Variants in DENND2A observed in about 807,000 individuals in gnomAD.
DENND2A encodes DENN domain containing 2A.
A neutral mutation model predicts 105.3 loss-of-function variants in DENND2A; 53 were observed. The ratio of observed to expected loss-of-function variants is 0.50; its 90% CI spans 0.40 to 0.63. DENND2A has a LOEUF of 0.63. Ranked by LOEUF, DENND2A falls within the 30% of genes least tolerant of loss-of-function variation. DENND2A has a pLI of 0.00. For missense variants in DENND2A, 1,138 were observed against 1,279.6 expected, an observed-to-expected ratio of 0.89 and a Z score of 1.69; for synonymous variants, 522 against 508.4, an observed-to-expected ratio of 1.03 and a Z score of -0.36.
chr7:140,548,044 G>C (rs776202907), intron 12 of DENND2A, among the ~76,000 whole-genome samples: 1 of 152,120 alleles, frequency 6.6e-6, no homozygotes, highest in Non-Finnish European at 1.5e-5. Context: ...GGTGATGGTT[G>C]TATAACTCTG....
At chr7:140,558,422 A>G (rs1258928172) in intron 10 of DENND2A, among the ~76,000 whole-genome samples, 3 of 152,172 alleles carry the variant, frequency 2.0e-5, no homozygotes, top group Non-Finnish European at 4.4e-5. Context: ...TGGGCTGGGC[A>G]CAGTGGCTCA....
intron 3 of DENND2A, among the ~76,000 whole-genome samples, chr7:140,589,832 C>T (rs759362140): frequency 3.9e-5 from 6 of 152,016 alleles, no homozygotes; most frequent in Non-Finnish European, 8.8e-5. Flanking sequence ...TCTTGCTTTG[C>T]TGCCCAGGCT....
At chr7:140,636,497 T>C (rs1275842155) in intron 1 of DENND2A, among the ~76,000 whole-genome samples, 1 of 152,166 alleles carries the variant, frequency 6.6e-6, no homozygotes, top group Non-Finnish European at 1.5e-5. Context: ...GCATCCCATG[T>C]GTCCCACCTG....
At chr7:140,605,457 T>C (rs917350144) in intron 2 of DENND2A, among the ~76,000 whole-genome samples, 2 of 152,174 alleles carry the variant, frequency 1.3e-5, no homozygotes, top group Non-Finnish European at 2.9e-5. Context: ...GAATGCGTCA[T>C]GGGGATAGGG....
intron 12 of DENND2A, among the ~76,000 whole-genome samples, chr7:140,553,431 C>T (rs1563135779): frequency 6.6e-6 from 1 of 152,140 alleles, no homozygotes; most frequent in South Asian, 2.1e-4. Flanking sequence ...CATTCCATTG[C>T]GCAGGCACGG....
intron 6 of DENND2A, among the ~76,000 whole-genome samples, chr7:140,573,284 A>AC (rs1798169346): frequency 6.6e-6 from 1 of 152,208 alleles, no homozygotes; most frequent in African/African-American, 2.4e-5. Context: ...ATGAAGAGAG[A>AC]CCAGAACTGC....
chr7:140,585,598 TGTGTCAGGGATGGAAGAG>T lies in DENND2A; in HGVS notation c.1218_1235del (p.Ser407_Thr412del), dbSNP rs1315917604. The T allele has an allele frequency of 6.2e-7, 1 of 1,613,988 alleles. No individual in the cohort carries two copies. The highest frequency in any genetic ancestry group is 1.3e-5 in the African/African-American group (1 of 74,984). On this transcript the variant is annotated inframe_deletion, in exon 5 of 20. Transcript: ENST00000496613. ...CCCAGGGGACTCATACCTTGGTGAGTGTGTCAGGGATGGAAGAGGTGGGAGAAGCAGGAAAATTCAAGA... is the reference window on the plus strand; with the variant it reads ...CCCAGGGGACTCATACCTTGGTGAGTGTGGGAGAAGCAGGAAAATTCAAGA...
chr7:140,545,137 G>T (rs1051767236), intron 13 of DENND2A, among the ~76,000 whole-genome samples: 1 of 152,128 alleles, frequency 6.6e-6, no homozygotes, highest in South Asian at 2.1e-4. Context: ...TTTTGAAAAC[G>T]GTTCTGTCCC....
chr7:140,593,258 C>T (rs960952560), intron 3 of DENND2A, among the ~76,000 whole-genome samples: 3 of 152,126 alleles, frequency 2.0e-5, no homozygotes, highest in South Asian at 2.1e-4. Context: ...GATACAAAGG[C>T]GAGAGGTCCC....
At position 140,522,035 on chromosome 7, in the gene DENND2A, C is replaced by A; in HGVS notation, c.2731G>T (p.Val911Leu). 6.2e-7 allele frequency: 1 copy of A among 1,614,212 alleles called. No homozygotes were observed. Among genetic ancestry groups the A allele is most frequent in the Non-Finnish European group, 8.5e-7 (1 of 1,180,034 alleles). The change falls in exon 18 of 20, where the codon GTG (valine) becomes TTG (leucine). Residue 911 changes from valine (V) to leucine (L), a missense_variant. Around this residue, in one of 2 missense-constraint regions of DENND2A, gnomAD observed 627 missense variants for 779.8 expected, o/e 0.80. Coordinates refer to ENST00000496613, the MANE Select transcript of DENND2A (RefSeq NM_015689.5). ...GTCAGGAACAAAGAGTAGTGTCCCACAATCTCCACGAAGAAGCGGACAAAG... is the reference window on the plus strand; with the variant it reads ...GTCAGGAACAAAGAGTAGTGTCCCAAAATCTCCACGAAGAAGCGGACAAAG... ...EAFVRFFVEI[V>L]GHYSLFLTSG...
intron 2 of DENND2A, among the ~76,000 whole-genome samples, chr7:140,604,061 G>T (rs1799609848): frequency 6.6e-6 from 1 of 152,228 alleles, no homozygotes; most frequent in East Asian, 1.9e-4. Context: ...CACCAGCAAA[G>T]GTTATGACTG....
Position 140,585,604 on chromosome 7 carries a change from A to C in DENND2A, c.1230T>G (p.Pro410=). The change falls in exon 5 of 20, where the codon CCT becomes CCG. Residue 410 remains proline (P), a synonymous_variant. Coordinates refer to ENST00000496613, the MANE Select transcript of DENND2A (RefSeq NM_015689.5). ...NFPASPTSSI[P]DTLTKQSLSK... ...GGACTCATACCTTGGTGAGTGTGTCAGGGATGGAAGAGGTGGGAGAAGCAG... is the reference window on the plus strand; with the variant it reads ...GGACTCATACCTTGGTGAGTGTGTCCGGGATGGAAGAGGTGGGAGAAGCAG... 1 of 1,614,138 alleles carries C rather than the reference A, an allele frequency of 6.2e-7. No homozygotes were observed. Among genetic ancestry groups the C allele is most frequent in the South Asian group, 1.1e-5 (1 of 91,078 alleles).
chr7:140,553,484 A>G (rs539402033), intron 12 of DENND2A, among the ~76,000 whole-genome samples: 2 of 152,144 alleles, frequency 1.3e-5, no homozygotes, highest in East Asian at 3.9e-4. Flanking sequence ...GCAAAGAGGC[A>G]TTCCTTCCTC....
At chr7:140,618,704 T>C (rs1469752073) in intron 1 of DENND2A, among the ~76,000 whole-genome samples, 3 of 152,202 alleles carry the variant, frequency 2.0e-5, no homozygotes, top group African/African-American at 7.2e-5. Flanking sequence ...TTCTACACCA[T>C]ACCACACTTC....
At chr7:140,571,529 T>C (rs1798097003) in intron 6 of DENND2A, among the ~76,000 whole-genome samples, 1 of 152,108 alleles carries the variant, frequency 6.6e-6, no homozygotes, top group Non-Finnish European at 1.5e-5. Flanking sequence ...GCTGGTTGGG[T>C]GTCTCTGGGC....
chr7:140,569,816 C>T (rs1798016829), intron 6 of DENND2A, 78 bp from the exon 7 acceptor site: 2 of 1,005,158 alleles, frequency 2.0e-6, no homozygotes, highest in Non-Finnish European at 3.2e-6. Flanking sequence ...CACTGCCCCT[C>T]TCCTAGGACG....
rs1446595386 is a variant in DENND2A at position 140,545,493 on chromosome 7, G to C, written c.2179-727C>G. Among the ~76,000 whole-genome samples, 3 of 152,222 alleles carry C rather than the reference G, an allele frequency of 2.0e-5. No individual in the cohort carries two copies. In the East Asian group the frequency reaches 5.8e-4, roughly 29 times the overall value. ...AGCTTCCCAAGTAGCTGAGATTACA[G>C]GTGCCCGCCACCATGCCTGGCTAAT... On this transcript the variant is annotated intron_variant, in intron 13 of 19. Transcript: ENST00000496613.
At chr7:140,564,966 G>T (rs748861571) in intron 9 of DENND2A, among the ~76,000 whole-genome samples, 5 of 152,138 alleles carry the variant, frequency 3.3e-5, no homozygotes, top group South Asian at 2.1e-4. Flanking sequence ...GTAGTAGTGG[G>T]GTGTCAGGAG....
intron 9 of DENND2A, 95 bp downstream of exon 9, chr7:140,566,991 G>T: frequency 8.6e-7 from 1 of 1,167,888 alleles, no homozygotes; most frequent in Non-Finnish European, 1.2e-6. Context: ...GATGCTAGGT[G>T]TTCCTCAGAC....
Sources: gnomAD v4.1 joint callset for allele counts (sites outside exome capture counted in the v4.1 genomes callset) on GRCh38, gnomAD v4.1.1 for gene constraint, gnomAD v4.1.1 regional missense constraint, MANE v1.5 for transcripts, NCBI Gene and HGNC (gene_info 2026-07-23, HGNC 2026-07-21) for gene names.